PTPN13: variants seen among roughly 807,000 people sequenced by gnomAD.
The protein encoded by PTPN13 is tyrosine-protein phosphatase non-receptor type 13.
A neutral mutation model predicts 284.0 loss-of-function variants in PTPN13; 191 were observed. That is an observed-to-expected ratio of 0.67 (90% CI 0.60 to 0.76). PTPN13 has a LOEUF of 0.76. Ranked by LOEUF, PTPN13 falls within the 30% of genes least tolerant of loss-of-function variation. PTPN13 has a pLI of 0.00. For missense variants in PTPN13, 2,797 were observed against 2,939.9 expected, an observed-to-expected ratio of 0.95 and a Z score of 1.12; for synonymous variants, 986 against 1,022.3, an observed-to-expected ratio of 0.96 and a Z score of 0.68.
rs757269119 is a variant in PTPN13 at position 86,771,325 on chromosome 4, G to A, written c.4958G>A (p.Ser1653Asn). The A allele has an allele frequency of 6.3e-7, 1 of 1,598,074 alleles. No homozygotes were observed. Among genetic ancestry groups the A allele is most frequent in the South Asian group, 1.1e-5 (1 of 88,030 alleles). The change falls in exon 31 of 48, where the codon AGT becomes AAT. Residue 1653 changes from serine (S) to asparagine (N), a missense_variant. Transcript: ENST00000411767. ...TCCCCATCCAGAAGAGACAGTTACA[G>A]TGACAGCAGTGGGAGTGGAGAAGAT... ...CKSPSRRDSY[S>N]DSSGSGEDDL...
chr4:86,811,282 T>G (rs1745191717), intron 47 of PTPN13, among the ~76,000 whole-genome samples, 174 bp downstream of exon 47: 1 of 152,130 alleles, frequency 6.6e-6, no homozygotes, highest in African/African-American at 2.4e-5. Context: ...AGAAAAAAAT[T>G]AAAATACTTC....
intron 36 of PTPN13, 51 bp from the exon 37 acceptor site, chr4:86,782,150 T>C: frequency 1.5e-6 from 2 of 1,292,268 alleles, no homozygotes; most frequent in Non-Finnish European, 2.2e-6. Flanking sequence ...TTGATGTCCC[T>C]CTTGTGGTTT....
At chr4:86,699,217 C>G (rs1401343835) in intron 6 of PTPN13, among the ~76,000 whole-genome samples, 1 of 152,060 alleles carries the variant, frequency 6.6e-6, no homozygotes, top group Non-Finnish European at 1.5e-5. Flanking sequence ...GAAACCCCTT[C>G]TCTACTAAAA....
Position 86,734,297 on chromosome 4 carries a change from G to C in PTPN13, c.1859-6G>C. ...TTTATCTGAATATTTTTCTCATTCT[G>C]TTTAGATAATGAATATTTCTTTGTT... is the stretch of plus-strand genomic sequence containing the variant. On this transcript the variant is annotated splice_region_variant and splice_polypyrimidine_tract_variant and intron_variant, in intron 12 of 47. Transcript: ENST00000411767. 5.5e-6 allele frequency: 8 copies of C among 1,460,542 alleles called. No homozygotes were observed. Among genetic ancestry groups the C allele is most frequent in the Admixed American group, 2.6e-5 (1 of 38,280 alleles). 90.5% of individuals were successfully genotyped at this position (1,460,542 alleles called of 1,614,324 possible). A position where few individuals can be genotyped will look rare whatever the true frequency, so the allele number is the denominator to read the frequency against.
chr4:86,812,032 C>T (rs554546395), intron 47 of PTPN13, among the ~76,000 whole-genome samples: 14 of 152,164 alleles, frequency 9.2e-5, no homozygotes, highest in African/African-American at 2.4e-4. Context: ...TCTTCTAGGC[C>T]GGGCGCGGTG....
intron 44 of PTPN13, among the ~76,000 whole-genome samples, chr4:86,806,853 T>C (rs1744714643): frequency 6.6e-6 from 1 of 152,210 alleles, no homozygotes; most frequent in Admixed American, 6.5e-5. Context: ...CTTAGATAAA[T>C]CTTAGACAAT....
At chr4:86,659,680 G>C (rs1726251206) in intron 2 of PTPN13, among the ~76,000 whole-genome samples, 2 of 152,022 alleles carry the variant, frequency 1.3e-5, no homozygotes, top group African/African-American at 4.8e-5. Context: ...GCTGGGCATG[G>C]TGGTGCACGC....
chr4:86,686,773 CAAGT>C lies in PTPN13; in HGVS notation c.360+3_360+6del, dbSNP rs1729504072. On this transcript the variant is annotated splice_donor_variant and coding_sequence_variant, in exon 4 of 48. Coordinates refer to ENST00000411767, the MANE Select transcript of PTPN13 (RefSeq NM_080683.3). LOFTEE classifies it high-confidence loss of function. Reference sequence around the variant, plus strand: ...GGCTGATTATGAAGTGCCTCAGAGCCAAGTAAGTTAAGTTTTTACAGTTGTTATA... The same window carrying C: ...GGCTGATTATGAAGTGCCTCAGAGCCAAGTTAAGTTTTTACAGTTGTTATA... 6.4e-7 allele frequency: 1 copy of C among 1,566,056 alleles called. No homozygotes were observed. Among genetic ancestry groups the C allele is most frequent in the East Asian group, 2.3e-5 (1 of 43,538 alleles).
chr4:86,746,626 T>C (rs1358010672), intron 17 of PTPN13, among the ~76,000 whole-genome samples: 2 of 150,040 alleles, frequency 1.3e-5, no homozygotes, highest in South Asian at 2.1e-4. Flanking sequence ...CTCAGTAATG[T>C]TTTTTTTTGT....
intron 1 of PTPN13, among the ~76,000 whole-genome samples, chr4:86,631,060 A>G (rs1202027057): frequency 6.6e-6 from 1 of 152,166 alleles, no homozygotes; most frequent in Admixed American, 6.6e-5. Context: ...CATGCAGCAT[A>G]TAACCTTCAA....
intron 35 of PTPN13, 114 bp downstream of exon 35, chr4:86,775,766 T>G: frequency 1.2e-6 from 1 of 864,782 alleles, no homozygotes; most frequent in Non-Finnish European, 1.7e-6. Flanking sequence ...TAGACTAAAT[T>G]GGCAGGACTT....
At chr4:86,607,602 A>C (rs1019977631) in intron 1 of PTPN13, among the ~76,000 whole-genome samples, 1 of 151,880 alleles carries the variant, frequency 6.6e-6, no homozygotes. Context: ...AGCCTGTCCT[A>C]CTCCAGTCAG....
chr4:86,768,827 A>C (rs1401636964), intron 28 of PTPN13, among the ~76,000 whole-genome samples: 1 of 150,140 alleles, frequency 6.7e-6, no homozygotes, highest in Non-Finnish European at 1.5e-5. Flanking sequence ...CTCCTGCCTC[A>C]GCTTCCTGAG....
chr4:86,697,180 A>G (rs1262563542), intron 6 of PTPN13, among the ~76,000 whole-genome samples: 1 of 152,104 alleles, frequency 6.6e-6, no homozygotes, highest in Admixed American at 6.5e-5. Context: ...TCAGTGGTCA[A>G]TTGCAGCAAA....
intron 12 of PTPN13, among the ~76,000 whole-genome samples, chr4:86,733,619 T>G (rs1735185004): frequency 6.6e-6 from 1 of 152,146 alleles, no homozygotes; most frequent in Admixed American, 6.5e-5. Context: ...TAGTACCTAC[T>G]GATGTTCTAT....
intron 23 of PTPN13, among the ~76,000 whole-genome samples, chr4:86,761,122 ATGTG>A (rs1169228191): frequency 8.0e-6 from 1 of 125,578 alleles, no homozygotes; most frequent in East Asian, 2.4e-4. Flanking sequence ...TATATATGTG[ATGTG>A]TGTGTGTGTG....
chr4:86,629,482 A>T, intron 1 of PTPN13, among the ~76,000 whole-genome samples: 1 of 151,862 alleles, frequency 6.6e-6, no homozygotes, highest in Non-Finnish European at 1.5e-5. Flanking sequence ...AAATAGGAAC[A>T]CTTTTACACT....
chr4:86,633,269 G>T (rs1276894222), intron 1 of PTPN13, among the ~76,000 whole-genome samples: 6 of 152,136 alleles, frequency 3.9e-5, no homozygotes, highest in Admixed American at 3.3e-4. Flanking sequence ...ACCCTGAGCA[G>T]TGGAAGTATA....
At chr4:86,710,379 A>G (rs17454077) in intron 7 of PTPN13, among the ~76,000 whole-genome samples, 3,178 of 152,304 alleles carry the variant, frequency 0.021, 57 homozygotes, top group Non-Finnish European at 0.032. Context: ...TCTGCATATT[A>G]CTTGTCTGAG....
Sources: allele counts gnomAD v4.1 joint callset (sites outside exome capture counted in the v4.1 genomes callset), GRCh38; gene constraint gnomAD v4.1.1; transcripts MANE v1.5; gene names NCBI Gene and HGNC (gene_info 2026-07-23, HGNC 2026-07-21).